The following LRRC40 variants were observed in gnomAD, a reference collection of about 807,000 sequenced individuals.
LRRC40 encodes leucine rich repeat containing 40.
LRRC40 carries 76 observed loss-of-function variants against 72.8 expected under a neutral mutation model. That is an observed-to-expected ratio of 1.04 (90% CI 0.87 to 1.26). The LOEUF (loss-of-function observed/expected upper bound fraction) is 1.26, where lower values mean the gene tolerates loss of function less well. Ranked by LOEUF, LRRC40 falls within the 50% of genes most tolerant of loss-of-function variation. The pLI is 0.00. For missense variants in LRRC40, 684 were observed against 698.9 expected, an observed-to-expected ratio of 0.98 and a Z score of 0.24; for synonymous variants, 243 against 254.2, an observed-to-expected ratio of 0.96 and a Z score of 0.42.
chr1:70,170,345 C>T (rs1470583306), intron 9 of LRRC40, among the ~76,000 whole-genome samples: 7 of 152,198 alleles, frequency 4.6e-5, no homozygotes, highest in Admixed American at 4.6e-4. Context: ...GATGTCCAGT[C>T]TCAGTCCTTC....
chr1:70,149,947 G>GCAA (rs1286709619), intron 13 of LRRC40, among the ~76,000 whole-genome samples: 3 of 152,090 alleles, frequency 2.0e-5, no homozygotes, highest in Non-Finnish European at 4.4e-5. Context: ...TTGAGACAGA[G>GCAA]TCTTGCTCTG....
chr1:70,168,071 G>T (rs141803595), intron 9 of LRRC40, among the ~76,000 whole-genome samples: 42 of 152,190 alleles, frequency 2.8e-4, no homozygotes, highest in African/African-American at 9.9e-4. Flanking sequence ...ACTCCAGAAG[G>T]CTACAACTGA....
intron 6 of LRRC40, among the ~76,000 whole-genome samples, chr1:70,177,432 T>A (rs1668133864): frequency 6.6e-6 from 1 of 152,198 alleles, no homozygotes; most frequent in South Asian, 2.1e-4. Context: ...ACTTAAAACC[T>A]GTATGAAGCT....
At chr1:70,177,844 C>T (rs1352487415) in intron 6 of LRRC40, among the ~76,000 whole-genome samples, 1 of 152,192 alleles carries the variant, frequency 6.6e-6, no homozygotes. Flanking sequence ...TCCACCTCTG[C>T]CATCTCTGAG....
chr1:70,179,726 G>A (rs1236935102), intron 5 of LRRC40, among the ~76,000 whole-genome samples: 1 of 151,980 alleles, frequency 6.6e-6, no homozygotes, highest in Admixed American at 6.6e-5. Flanking sequence ...TATGAAAAAA[G>A]TCCATGCTGC....
At chr1:70,190,211 G>C (rs1185850229) in intron 1 of LRRC40, among the ~76,000 whole-genome samples, 2 of 152,106 alleles carry the variant, frequency 1.3e-5, no homozygotes, top group Non-Finnish European at 2.9e-5. Context: ...GGCAAAAATT[G>C]GTTATACCTT....
intron 9 of LRRC40, among the ~76,000 whole-genome samples, chr1:70,160,728 G>A (rs1432586181): frequency 6.6e-6 from 1 of 152,050 alleles, no homozygotes; most frequent in Non-Finnish European, 1.5e-5. Context: ...AATATAAGGA[G>A]AGAGTCTATT....
intron 14 of LRRC40, 70 bp from the exon 15 acceptor site, chr1:70,145,975 G>A (rs965551595): frequency 2.9e-6 from 2 of 691,480 alleles, no homozygotes; most frequent in Non-Finnish European, 2.4e-6. Flanking sequence ...AATTTCATTT[G>A]CAATTTTATA....
rs546815869 is a variant in LRRC40, at chr1:70,193,403, GA to G, written c.152-4131del. Among the ~76,000 whole-genome samples the G allele has an allele frequency of 1.3e-3, 187 of 140,048 alleles. 1 individual carries two copies. The highest frequency in any genetic ancestry group is 3.6e-3 in the Middle Eastern group (1 of 280). 91.9% of individuals were successfully genotyped at this position (140,048 alleles called of 152,430 possible). On this transcript the variant is annotated intron_variant, in intron 1 of 14. Coordinates refer to ENST00000370952, the MANE Select transcript of LRRC40 (RefSeq NM_017768.5). ...ATGAAATGGATAAATCCCTAGAATA[GA>G]AAAAAAAAAAGTACAACCACAATAG... is the stretch of plus-strand genomic sequence containing the variant.
At chr1:70,199,553 C>T (rs1226795984) in intron 1 of LRRC40, among the ~76,000 whole-genome samples, 2 of 152,134 alleles carry the variant, frequency 1.3e-5, no homozygotes, top group Non-Finnish European at 2.9e-5. Context: ...CCTCAGCCTA[C>T]TCAATGTGAA....
At position 70,205,554 on chromosome 1, in the gene LRRC40, G is replaced by C; in HGVS notation, c.-14C>G. 1 of 1,580,408 alleles carries C rather than the reference G, an allele frequency of 6.3e-7. No individual in the cohort carries two copies. The highest frequency in any genetic ancestry group is 1.1e-5 in the South Asian group (1 of 88,984). ...CAGGCGCGACATGTTCAAAGTCCTA[G>C]GTCCAGAAGCTGCAGCCCCACCCGT... On this transcript the variant is annotated 5_prime_UTR_variant, in exon 1 of 15. Transcript: ENST00000370952.
chr1:70,152,351 T>G, intron 12 of LRRC40, 82 bp downstream of exon 12: 2 of 714,380 alleles, frequency 2.8e-6, no homozygotes, highest in Non-Finnish European at 4.8e-6. Context: ...TAGGAAAATA[T>G]GAGGTAAAAA....
intron 12 of LRRC40, among the ~76,000 whole-genome samples, chr1:70,151,407 T>C (rs1235323527): frequency 6.6e-6 from 1 of 152,146 alleles, no homozygotes; most frequent in Non-Finnish European, 1.5e-5. Context: ...ATCCTAATAA[T>C]ACCAATATGC....
intron 14 of LRRC40, among the ~76,000 whole-genome samples, chr1:70,146,736 CCT>C (rs1021333317): frequency 3.3e-5 from 5 of 152,138 alleles, no homozygotes; most frequent in African/African-American, 1.2e-4. Context: ...TGCTCCACCC[CCT>C]GCCTCCCAAA....
chr1:70,191,295 T>G (rs1668494986), intron 1 of LRRC40, among the ~76,000 whole-genome samples: 1 of 152,158 alleles, frequency 6.6e-6, no homozygotes, highest in Non-Finnish European at 1.5e-5. Context: ...TGCATGCATT[T>G]TTTTCTAACA....
intron 14 of LRRC40, 65 bp from the exon 15 acceptor site, chr1:70,145,970 C>T: frequency 1.4e-6 from 1 of 724,718 alleles, no homozygotes; most frequent in Non-Finnish European, 2.3e-6. Context: ...CATCTAATTT[C>T]ATTTGCAATT....
intron 9 of LRRC40, among the ~76,000 whole-genome samples, chr1:70,170,475 A>G (rs1384467505): frequency 6.6e-6 from 1 of 152,212 alleles, no homozygotes; most frequent in Non-Finnish European, 1.5e-5. Context: ...ATAGTCTTGT[A>G]TATAGAAAAT....
rs1468852333 is a variant in LRRC40, at chr1:70,145,457, T to C, written c.*343A>G. The C allele has an allele frequency of 6.3e-6, 1 of 159,182 alleles. No individual in the cohort carries two copies. Among genetic ancestry groups the C allele is most frequent in the Non-Finnish European group, 1.4e-5 (1 of 72,848 alleles). 9.9% of individuals were successfully genotyped at this position (159,182 alleles called of 1,614,324 possible). A position where few individuals can be genotyped will look rare whatever the true frequency, so the allele number is the denominator to read the frequency against. ...TTGTTATTATAATACTGAACCACAT[T>C]AAATAAAAATTCATTTTTGAAAAAA... On this transcript the variant is annotated 3_prime_UTR_variant, in exon 15 of 15. Transcript: ENST00000370952.
intron 1 of LRRC40, among the ~76,000 whole-genome samples, chr1:70,189,773 A>T (rs1668452117): frequency 6.6e-6 from 1 of 152,250 alleles, no homozygotes; most frequent in African/African-American, 2.4e-5. Flanking sequence ...CAATTCTGCA[A>T]AGTAGGTGTT....
Sources: gnomAD v4.1 joint callset for allele counts (sites outside exome capture counted in the v4.1 genomes callset) on GRCh38, gnomAD v4.1.1 for gene constraint, MANE v1.5 for transcripts, NCBI Gene and HGNC (gene_info 2026-07-23, HGNC 2026-07-21) for gene names.